Variants in MYO6 observed in about 807,000 individuals in gnomAD.
MYO6 encodes unconventional myosin-VI.
In MYO6, 74 loss-of-function variants were observed where a neutral mutation model predicts 178.7. The observed-to-expected ratio is 0.41, with a 90% CI of 0.34 to 0.50. The LOEUF is 0.50. MYO6 is among the 20% of genes least tolerant of loss of function. MYO6 has a pLI of 0.09. For missense variants in MYO6, 1,330 were observed against 1,547.4 expected (o/e 0.86, Z 2.36); for synonymous variants, 477 against 504.6 (o/e 0.95, Z 0.73).
rs961469006 is a variant in MYO6 at position 75,828,595 on chromosome 6, T to C, written c.243T>C (p.Tyr81=). The C allele has an allele frequency of 3.2e-6, 5 of 1,577,672 alleles. No individual in the cohort carries two copies. The highest frequency in any genetic ancestry group is 2.2e-5 in the East Asian group (1 of 44,544). Residue 81 remains tyrosine (Y), a synonymous_variant, in exon 4 of 35, where the codon TAT becomes TAC. Coordinates refer to ENST00000369977, the MANE Select transcript of MYO6 (RefSeq NM_004999.4). ...TGCTCCATAATATCAAAGTTCGATA[T>C]AGTAAAGACAGAATTTATGTAAGTA... The part of the protein sequence containing the change: ...ATLLHNIKVR[Y]SKDRIYTYVA...
chr6:75,770,617 C>A (rs1445907050), intron 1 of MYO6, among the ~76,000 whole-genome samples: 5 of 152,162 alleles, frequency 3.3e-5, no homozygotes, highest in African/African-American at 9.7e-5. Flanking sequence ...GCCGGGATTA[C>A]AAGCTTGCAC....
chr6:75,904,287 T>C (rs1024990751), intron 30 of MYO6, among the ~76,000 whole-genome samples: 1 of 150,428 alleles, frequency 6.6e-6, no homozygotes, highest in African/African-American at 2.4e-5. Context: ...CTTGCTAGAT[T>C]GGGTAAGTTC....
Position 75,813,401 on chromosome 6 carries a change from C to A in MYO6, c.-47-4100C>A, listed in dbSNP as rs147055727. On this transcript the variant is annotated intron_variant, in intron 1 of 34. Coordinates refer to ENST00000369977, the MANE Select transcript of MYO6 (RefSeq NM_004999.4). ...CCAGTCAGTTCGTGGTGGATGCTGC[C>A]AGTGCTGAATCTCCTGCTTTAGAAC... 6.6e-3 allele frequency among the ~76,000 whole-genome samples: 999 copies of A among 152,298 alleles called. 10 individuals carry two copies. Among genetic ancestry groups the A allele is most frequent in the African/African-American group, 0.023 (940 of 41,554 alleles).
At chr6:75,852,302 A>C (rs1467780156) in intron 11 of MYO6, among the ~76,000 whole-genome samples, 1 of 152,216 alleles carries the variant, frequency 6.6e-6, no homozygotes. Flanking sequence ...TGAAACATTC[A>C]AAATATTCTC....
rs1333797337 is a variant in MYO6, at chr6:75,895,259, C to A, written c.3136C>A (p.Pro1046Thr). 1.9e-6 allele frequency: 3 copies of A among 1,605,588 alleles called. No homozygotes were observed. In the South Asian group the frequency reaches 3.3e-5, roughly 18 times the overall value. The change falls in exon 29 of 35, where the codon CCG (proline) becomes ACG (threonine). Residue 1046 changes from proline to threonine, a missense_variant and splice_region_variant. This residue lies in a region of MYO6 where 601 missense variants were observed against 626.1 expected (regional missense o/e 0.96). Coordinates refer to ENST00000369977, the MANE Select transcript of MYO6 (RefSeq NM_004999.4). Reference sequence around the variant, plus strand: ...TGATGGAACAAGACCCAAAATGACACCGTATGTCACTTACCTTTACCTTTT... The same window carrying A: ...TGATGGAACAAGACCCAAAATGACAACGTATGTCACTTACCTTTACCTTTT... ...RNDGTRPKMTPEQMAKEMSEF... is the reference protein window; with the variant it reads ...RNDGTRPKMTTEQMAKEMSEF...
intron 14 of MYO6, among the ~76,000 whole-genome samples, chr6:75,860,475 T>C (rs1235515047): frequency 6.6e-6 from 1 of 152,242 alleles, no homozygotes; most frequent in Middle Eastern, 3.2e-3. Flanking sequence ...AAAAGGAGAC[T>C]GTATTTTGAT....
At chr6:75,772,098 C>G (rs757448418) in intron 1 of MYO6, among the ~76,000 whole-genome samples, 1 of 152,108 alleles carries the variant, frequency 6.6e-6, no homozygotes. Context: ...ACTGTTGAGT[C>G]TACTTTTCTG....
At chr6:75,808,014 C>T (rs548222004) in intron 1 of MYO6, among the ~76,000 whole-genome samples, 5 of 152,306 alleles carry the variant, frequency 3.3e-5, no homozygotes, top group South Asian at 4.1e-4. Context: ...AAGGTTGCCT[C>T]GTCTTTATCT....
chr6:75,782,909 C>CTT (rs397888755), intron 1 of MYO6, among the ~76,000 whole-genome samples: 40 of 117,944 alleles, frequency 3.4e-4, no homozygotes, highest in South Asian at 5.5e-4. Context: ...AGCTAGTTAG[C>CTT]TTTTTTTTTT....
chr6:75,884,714 A>C (rs1778297594), intron 23 of MYO6, among the ~76,000 whole-genome samples: 1 of 152,170 alleles, frequency 6.6e-6, no homozygotes, highest in African/African-American at 2.4e-5. Flanking sequence ...AGGGGGTCAA[A>C]ATTGAGTTTT....
At chr6:75,872,597 G>T (rs957539742) in intron 19 of MYO6, among the ~76,000 whole-genome samples, 2 of 152,052 alleles carry the variant, frequency 1.3e-5, no homozygotes. Context: ...ATGTACATCA[G>T]CCTGCAAAGT....
At position 75,918,709 on chromosome 6, in the gene MYO6, A is replaced by T. The variant is rs1781263457; in HGVS notation, c.*3697A>T. On this transcript the variant is annotated 3_prime_UTR_variant, in exon 35 of 35. Transcript: ENST00000369977. ...ATTCAAATCACTGTATTCTTTCCCC[A>T]TTGCTAACCTAATATATGAAACAAG... The T allele has an allele frequency of 6.6e-6, 1 of 152,234 alleles. No homozygotes were observed. Among genetic ancestry groups the T allele is most frequent in the South Asian group, 2.1e-4 (1 of 4,832 alleles). The allele number at this position is 152,234 out of a possible 1,614,324, so 9.4% of individuals were successfully genotyped here. A position where few individuals can be genotyped will look rare whatever the true frequency, so the allele number is the denominator to read the frequency against.
chr6:75,757,190 A>C (rs1048635221), intron 1 of MYO6, among the ~76,000 whole-genome samples: 1 of 147,700 alleles, frequency 6.8e-6, no homozygotes, highest in Non-Finnish European at 1.5e-5. Flanking sequence ...ATACACACAT[A>C]TATTGTGTAT....
intron 7 of MYO6, among the ~76,000 whole-genome samples, chr6:75,837,421 G>A (rs1199559365): frequency 6.6e-6 from 1 of 152,044 alleles, no homozygotes; most frequent in African/African-American, 2.4e-5. Flanking sequence ...ATTAGAGACA[G>A]CATCTCACTA....
At chr6:75,841,601 G>C (rs991866368) in intron 9 of MYO6, among the ~76,000 whole-genome samples, 1 of 152,100 alleles carries the variant, frequency 6.6e-6, no homozygotes, top group Non-Finnish European at 1.5e-5. Flanking sequence ...GGCTGAGGTG[G>C]GAGGATCACC....
intron 18 of MYO6, among the ~76,000 whole-genome samples, chr6:75,868,336 C>T (rs1776865664): frequency 6.6e-6 from 1 of 151,530 alleles, no homozygotes; most frequent in Non-Finnish European, 1.5e-5. Flanking sequence ...TCTTCTATTT[C>T]TGAATCGACA....
At chr6:75,895,518 ATTT>A (rs372759632) in intron 29 of MYO6, among the ~76,000 whole-genome samples, 2 of 140,166 alleles carry the variant, frequency 1.4e-5, no homozygotes, top group African/African-American at 2.6e-5. Context: ...ATATATATGA[ATTT>A]TTTTTTTTTT....
chr6:75,776,507 A>G (rs17189990), intron 1 of MYO6, among the ~76,000 whole-genome samples: 29,192 of 152,266 alleles, frequency 0.19, 3,657 homozygotes, highest in Middle Eastern at 0.3. Context: ...TGCCAACCAG[A>G]AATCAAAATA....
intron 32 of MYO6, among the ~76,000 whole-genome samples, chr6:75,909,794 G>A (rs1271500602): frequency 4.6e-5 from 7 of 152,102 alleles, no homozygotes; most frequent in Admixed American, 6.6e-5. Flanking sequence ...TGATAGTATA[G>A]TTTAGCAATG....
Sources: gnomAD v4.1 joint callset for allele counts (sites outside exome capture counted in the v4.1 genomes callset) on GRCh38, gnomAD v4.1.1 for gene constraint, gnomAD v4.1.1 regional missense constraint, MANE v1.5 for transcripts, NCBI Gene and HGNC (gene_info 2026-07-23, HGNC 2026-07-21) for gene names.